The following ABI1 variants were observed in gnomAD, a reference collection of about 807,000 sequenced individuals.
The protein encoded by ABI1 is abl interactor 1.
Under a neutral mutation model 54.6 loss-of-function variants are expected in ABI1, and 14 were observed. The observed-to-expected ratio is 0.26, with a 90% CI of 0.17 to 0.40. The LOEUF is 0.40. Ranked by LOEUF, ABI1 falls within the 10% of genes least tolerant of loss-of-function variation. The pLI, the probability that ABI1 is intolerant of heterozygous loss-of-function variation, is 1.00. For synonymous variants in ABI1, 194 were observed against 209.3 expected, an observed-to-expected ratio of 0.93 and a Z score of 0.63; for missense variants, 443 against 598.3, an observed-to-expected ratio of 0.74 and a Z score of 2.71.
In ABI1 at chr10:26,860,688, TG is replaced by T; in HGVS notation, c.117+58del. On this transcript the variant is annotated intron_variant, in intron 1 of 10. Coordinates refer to ENST00000376140, the MANE Select transcript of ABI1 (RefSeq NM_001012750.3). The surrounding 1 kb of genome is among the most constrained non-coding windows in gnomAD (Gnocchi z 4.1). ...CAGTTCCCCACCCCGCCCAGTGGGC[TG>T]GTCACTCCGGCGGGTCCTCGACCCG... 1 of 1,378,896 alleles carries T rather than the reference TG, an allele frequency of 7.3e-7. No individual in the cohort carries two copies. Among genetic ancestry groups the T allele is most frequent in the Non-Finnish European group, 1.0e-6 (1 of 969,714 alleles). The allele number at this position is 1,378,896 out of a possible 1,614,324, so 85.4% of individuals were successfully genotyped here. A position where few individuals can be genotyped will look rare whatever the true frequency, so the allele number is the denominator to read the frequency against.
At chr10:26,771,786 GT>G (rs892990966) in intron 3 of ABI1, among the ~76,000 whole-genome samples, 75 of 152,076 alleles carry the variant, frequency 4.9e-4, no homozygotes, top group Non-Finnish European at 4.1e-4. Flanking sequence ...TTAGTTCTAA[GT>G]TTTCATCTGA....
intron 3 of ABI1, 65 bp from the exon 4 acceptor site, chr10:26,771,154 A>AGGACAGGTTTAC: frequency 6.5e-7 from 1 of 1,541,630 alleles, no homozygotes; most frequent in Non-Finnish European, 9.0e-7. Context: ...TATATCCGAT[A>AGGACAGGTTTAC]GGACAGGTTT....
intron 2 of ABI1, among the ~76,000 whole-genome samples, chr10:26,805,605 C>A (rs1020800458): frequency 2.0e-5 from 3 of 152,132 alleles, no homozygotes; most frequent in African/African-American, 7.2e-5. Flanking sequence ...TTAGGTGATT[C>A]ATTTCTCCAA....
intron 10 of ABI1, 61 bp from the exon 11 acceptor site, chr10:26,748,806 T>C (rs1212531221): frequency 2.4e-6 from 3 of 1,234,254 alleles, no homozygotes; most frequent in Non-Finnish European, 3.4e-6. Flanking sequence ...TACTTGAATT[T>C]TAAGACAAAG....
intron 2 of ABI1, among the ~76,000 whole-genome samples, chr10:26,794,359 T>C (rs77457969): frequency 6.6e-6 from 1 of 152,010 alleles, no homozygotes; most frequent in Non-Finnish European, 1.5e-5. Flanking sequence ...CAGTAAACAG[T>C]GATCATGCCA....
chr10:26,851,872 G>A (rs1337831838), intron 1 of ABI1, among the ~76,000 whole-genome samples: 1 of 152,122 alleles, frequency 6.6e-6, no homozygotes, highest in Admixed American at 6.5e-5. Flanking sequence ...ATTTCAAAAA[G>A]GGAGAAAAAA....
intron 2 of ABI1, among the ~76,000 whole-genome samples, chr10:26,803,910 C>T (rs940490065): frequency 1.3e-5 from 2 of 150,962 alleles, no homozygotes; most frequent in East Asian, 3.9e-4. Flanking sequence ...TAAATAAGTA[C>T]GCATACAAAT....
rs11015274 is a variant in ABI1 at position 26,765,439 on chromosome 10, T to C, written c.720-121A>G. ...TCATATAGTCATCCCTCAGTATCCT[T>C]GGAGGACTGGTTTCAAGAGCCCCCT... On this transcript the variant is annotated intron_variant, in intron 6 of 10. Transcript: ENST00000376140. 12 of 737,198 alleles carry C rather than the reference T, an allele frequency of 1.6e-5. No homozygotes were observed. In the Admixed American group the frequency reaches 3.8e-4, roughly 23 times the overall value. The allele number at this position is 737,198 out of a possible 1,614,324, so 45.7% of individuals were successfully genotyped here.
intron 1 of ABI1, among the ~76,000 whole-genome samples, chr10:26,829,591 T>G (rs1416359972): frequency 2.0e-5 from 3 of 152,218 alleles, no homozygotes; most frequent in Non-Finnish European, 4.4e-5. Flanking sequence ...AATTTTTATA[T>G]GTCAATTTTA....
At chr10:26,851,013 A>C (rs1216568613) in intron 1 of ABI1, among the ~76,000 whole-genome samples, 2 of 152,186 alleles carry the variant, frequency 1.3e-5, no homozygotes, top group African/African-American at 4.8e-5. Flanking sequence ...GAGAAGCCAA[A>C]GGATTAACTT....
At chr10:26,807,035 G>A (rs963732787) in intron 2 of ABI1, among the ~76,000 whole-genome samples, 3 of 151,956 alleles carry the variant, frequency 2.0e-5, no homozygotes, top group Non-Finnish European at 4.4e-5. Context: ...CCTAAGTATG[G>A]TAATTTTAGA....
intron 8 of ABI1, among the ~76,000 whole-genome samples, chr10:26,758,094 A>AAAC (rs1838571679): frequency 1.5e-5 from 2 of 133,708 alleles, no homozygotes; most frequent in Admixed American, 7.6e-5. Flanking sequence ...AAAAAAAAAA[A>AAAC]CTTTCCCCTA....
chr10:26,754,951 A>G (rs1838117231), intron 9 of ABI1, among the ~76,000 whole-genome samples: 1 of 110,080 alleles, frequency 9.1e-6, no homozygotes, highest in South Asian at 2.7e-4. Context: ...CTCCCCCCCC[A>G]CAAAAAAAAA....
Position 26,746,655 on chromosome 10 carries a change from A to C in ABI1, c.*1915T>G, listed in dbSNP as rs546969737. 1 of 615,108 alleles carries C rather than the reference A, an allele frequency of 1.6e-6. No homozygotes were observed. Among genetic ancestry groups the C allele is most frequent in the Non-Finnish European group, 2.9e-6 (1 of 350,020 alleles). 38.1% of individuals were successfully genotyped at this position (615,108 alleles called of 1,614,324 possible). On this transcript the variant is annotated 3_prime_UTR_variant, in exon 11 of 11. Coordinates refer to ENST00000376140, the MANE Select transcript of ABI1 (RefSeq NM_001012750.3). ...TTTTTTCAGAAAACTTTTTAAATGT[A>C]ATTAATAAACCACCTGAATCTGTCA... is the stretch of plus-strand genomic sequence containing the variant.
At chr10:26,848,759 C>T (rs2050180095) in intron 1 of ABI1, among the ~76,000 whole-genome samples, 1 of 152,050 alleles carries the variant, frequency 6.6e-6, no homozygotes, top group Admixed American at 6.6e-5. Context: ...CAGGCATGTG[C>T]CACCACGCCC....
At chr10:26,806,781 A>G (rs2046903458) in intron 2 of ABI1, among the ~76,000 whole-genome samples, 1 of 152,228 alleles carries the variant, frequency 6.6e-6, no homozygotes, top group East Asian at 1.9e-4. Context: ...AATGAGTAAT[A>G]TCAGTGCAAG....
At chr10:26,755,789 G>A (rs1412430734) in intron 8 of ABI1, 48 bp from the exon 9 acceptor site, 1 of 1,340,062 alleles carries the variant, frequency 7.5e-7, no homozygotes, top group Non-Finnish European at 1.0e-6. Context: ...ATAAAGGAAA[G>A]AAAAGGAAAC....
Position 26,748,366 on chromosome 10 carries a change from C to T in ABI1, c.*204G>A. On this transcript the variant is annotated 3_prime_UTR_variant, in exon 11 of 11. Coordinates refer to ENST00000376140, the MANE Select transcript of ABI1 (RefSeq NM_001012750.3). ...GTACATAAGCATAATCAGTTATGGA[C>T]AGCTTCTTGTATAAATTGCTATTCA... The T allele has an allele frequency of 2.1e-6, 1 of 473,830 alleles. No homozygotes were observed. The highest frequency in any genetic ancestry group is 3.7e-6 in the Non-Finnish European group (1 of 266,778). 29.4% of individuals were successfully genotyped at this position (473,830 alleles called of 1,614,324 possible).
Position 26,761,975 on chromosome 10 carries a change from C to A in ABI1, c.821-2737G>T, listed in dbSNP as rs116533626. 3.4e-3 allele frequency among the ~76,000 whole-genome samples: 524 copies of A among 152,124 alleles called. 1 individual carries two copies. The highest frequency in any genetic ancestry group is 0.012 in the African/African-American group (487 of 41,504). Reference sequence around the variant, plus strand: ...CCTGAATCTCTAGGACAGTGGTTCTCAAACTTCATCATTGATCAGTATTTC... The same window carrying A: ...CCTGAATCTCTAGGACAGTGGTTCTAAAACTTCATCATTGATCAGTATTTC... On this transcript the variant is annotated intron_variant, in intron 7 of 10. Coordinates refer to ENST00000376140, the MANE Select transcript of ABI1 (RefSeq NM_001012750.3).
Sources: gnomAD v4.1 joint callset for allele counts (sites outside exome capture counted in the v4.1 genomes callset) on GRCh38, gnomAD v4.1.1 for gene constraint, Gnocchi (gnomAD v3.1) non-coding constraint, MANE v1.5 for transcripts, NCBI Gene and HGNC (gene_info 2026-07-23, HGNC 2026-07-21) for gene names.